The following FGFR1 variants were observed in gnomAD, a reference collection of about 807,000 sequenced individuals.
FGFR1 encodes FGFR1/PLAG1 fusion.
Under a neutral mutation model 93.7 loss-of-function variants are expected in FGFR1, and 18 were observed. The ratio of observed to expected loss-of-function variants is 0.19; its 90% confidence interval spans 0.13 to 0.28. The LOEUF (loss-of-function observed/expected upper bound fraction) is 0.28, where lower values mean the gene tolerates loss of function less well. FGFR1 is among the 10% of genes least tolerant of loss of function. The pLI is 1.00. For missense variants in FGFR1, 731 were observed against 1,080.4 expected, an observed-to-expected ratio of 0.68 and a Z score of 4.53; for synonymous variants, 448 against 429.3, an observed-to-expected ratio of 1.04 and a Z score of -0.54.
At chr8:38,419,397 T>G in intron 9 of FGFR1, 136 bp downstream of exon 9, 23 of 802,762 alleles carry the variant, frequency 2.9e-5, no homozygotes, top group Non-Finnish European at 4.3e-5. Context: ...ACTTAGTTCA[T>G]GATATTCCAC....
chr8:38,413,538 GA>G lies in FGFR1; in HGVS notation c.*89del, dbSNP rs1454000355. 1.4e-6 allele frequency: 2 copies of G among 1,421,198 alleles called. No individual in the cohort carries two copies. The highest frequency in any genetic ancestry group is 1.9e-6 in the Non-Finnish European group (2 of 1,049,004). The allele number at this position is 1,421,198 out of a possible 1,614,324, so 88.0% of individuals were successfully genotyped here. A position where few individuals can be genotyped will look rare whatever the true frequency, so the allele number is the denominator to read the frequency against. On this transcript the variant is annotated 3_prime_UTR_variant, in exon 18 of 18. Coordinates refer to ENST00000447712, the MANE Select transcript of FGFR1 (RefSeq NM_023110.3). The surrounding 1 kb of genome is among the most constrained non-coding windows in gnomAD (Gnocchi z 4.2). ...GCCGGCTCCTGCCAGCAGGAAAGGG[GA>G]CAGGGACGGACAGGTGGTGGGCCCA...
intron 2 of FGFR1, among the ~76,000 whole-genome samples, chr8:38,442,106 T>C (rs60527016): frequency 0.17 from 26,072 of 152,066 alleles, 2,796 homozygotes; most frequent in East Asian, 0.31. Context: ...TAAGGCCATA[T>C]TGGGTGGGTC....
chr8:38,465,032 GC>G (rs1290582786), intron 1 of FGFR1, among the ~76,000 whole-genome samples: 1 of 152,194 alleles, frequency 6.6e-6, no homozygotes, highest in African/African-American at 2.4e-5. Flanking sequence ...GCTTGAATCT[GC>G]CTACCCAGTG....
Position 38,457,409 on chromosome 8 carries a change from A to G in FGFR1, c.38T>C (p.Leu13Pro), listed in dbSNP as rs764533580. ...SWKCLLFWAV[L>P]VTATLCTARP... ...AGCGGTGCAGAGTGTGGCTGTGACC[A>G]GCACAGCCCAGAAGAGGAGGCACTT... Residue 13 changes from leucine (L) to proline (P), a missense_variant, in exon 2 of 18, where the codon CTG becomes CCG. Transcript: ENST00000447712. The G allele has an allele frequency of 3.1e-6, 5 of 1,613,912 alleles. No individual in the cohort carries two copies. Among genetic ancestry groups the G allele is most frequent in the Non-Finnish European group, 4.2e-6 (5 of 1,180,006 alleles).
intron 2 of FGFR1, among the ~76,000 whole-genome samples, chr8:38,448,844 T>G (rs190421112): frequency 8.6e-5 from 13 of 151,962 alleles, no homozygotes; most frequent in Admixed American, 3.9e-4. Flanking sequence ...AATCCCAGCT[T>G]CTCGGGAGGG....
At chr8:38,419,314 G>A (rs1010492364) in intron 9 of FGFR1, among the ~76,000 whole-genome samples, 2 of 152,198 alleles carry the variant, frequency 1.3e-5, no homozygotes, top group Admixed American at 6.5e-5. Flanking sequence ...CCAGGAGTCC[G>A]GAGGACTTGC....
In FGFR1 at chr8:38,468,149, C is replaced by G. The variant is rs1248932882; in HGVS notation, c.-257G>C. The G allele has an allele frequency of 8.8e-6, 2 of 227,564 alleles. No individual in the cohort carries two copies. The highest frequency in any genetic ancestry group is 6.1e-5 in the East Asian group (1 of 16,304). 14.1% of individuals were successfully genotyped at this position (227,564 alleles called of 1,614,324 possible). On this transcript the variant is annotated 5_prime_UTR_variant, in exon 1 of 18. Coordinates refer to ENST00000447712, the MANE Select transcript of FGFR1 (RefSeq NM_023110.3). ...TCGACTCCCGGCGGCGCTCGGTGCTCGGCGCCTCCAGCCCGGGCGGGAACA... is the reference window on the plus strand; with the variant it reads ...TCGACTCCCGGCGGCGCTCGGTGCTGGGCGCCTCCAGCCCGGGCGGGAACA...
chr8:38,457,634 G>C (rs2151358165), intron 1 of FGFR1, 100 bp from the exon 2 acceptor site: 1 of 1,229,516 alleles, frequency 8.1e-7, no homozygotes, highest in South Asian at 1.4e-5. Flanking sequence ...GCTGCTTAAA[G>C]TGTGGACTTA....
At chr8:38,439,918 C>T (rs1272941443) in intron 2 of FGFR1, among the ~76,000 whole-genome samples, 1 of 152,124 alleles carries the variant, frequency 6.6e-6, no homozygotes, top group Non-Finnish European at 1.5e-5. Flanking sequence ...ATTTGTATTA[C>T]CTACTCTACG....
At chr8:38,452,367 T>C (rs1271148555) in intron 2 of FGFR1, among the ~76,000 whole-genome samples, 1 of 152,106 alleles carries the variant, frequency 6.6e-6, no homozygotes. Context: ...TTTCTTCTTT[T>C]TTTTAAAGAC....
In FGFR1 at chr8:38,457,505, G is replaced by A. The variant is rs1750223459; in HGVS notation, c.-59C>T. 6.2e-7 allele frequency: 1 copy of A among 1,608,540 alleles called. No individual in the cohort carries two copies. The highest frequency in any genetic ancestry group is 1.3e-5 in the African/African-American group (1 of 74,852). ...TCCACATCTCCATGGATACTCCACAGTGAGCTCGATCCTCCTTTTCAAACT... is the reference window on the plus strand; with the variant it reads ...TCCACATCTCCATGGATACTCCACAATGAGCTCGATCCTCCTTTTCAAACT... On this transcript the variant is annotated 5_prime_UTR_variant, in exon 2 of 18. Transcript: ENST00000447712.
rs1419947824 is a variant in FGFR1, at chr8:38,429,718, C to T, written c.322G>A (p.Gly108Ser). 1.9e-6 allele frequency: 3 copies of T among 1,575,820 alleles called. No individual in the cohort carries two copies. The East Asian group carries it at 7.1e-5, about 37-fold the overall frequency. The change falls in exon 3 of 18, where the codon GGC becomes AGC. Residue 108 changes from glycine to serine, a missense_variant. Transcript: ENST00000447712. The surrounding 1 kb of genome is among the most constrained non-coding windows in gnomAD (Gnocchi z 4.4). ...LYACVTSSPS[G>S]SDTTYFSVNV... is the part of the protein sequence containing the mutation. Reference sequence around the variant, plus strand: ...ACGGAGAAGTAGGTGGTGTCACTGCCCGAGGGGCTGCTGGTTACGCAAGCA... The same window carrying T: ...ACGGAGAAGTAGGTGGTGTCACTGCTCGAGGGGCTGCTGGTTACGCAAGCA...
At position 38,414,911 on chromosome 8, in the gene FGFR1, G is replaced by T. The variant is rs2150566196; in HGVS notation, c.1855-10C>A. The T allele has an allele frequency of 6.2e-7, 1 of 1,610,290 alleles. No homozygotes were observed. ...GGTCTCGGTGTATGCACTGAGGAAG[G>T]AGGAAGGGAGAGCGGGAGGCGGGGA... On this transcript the variant is annotated splice_polypyrimidine_tract_variant and intron_variant, in intron 13 of 17. Transcript: ENST00000447712.
chr8:38,440,443 G>A, intron 2 of FGFR1: 1 of 1,317,900 alleles, frequency 7.6e-7, no homozygotes, highest in Non-Finnish European at 1.0e-6. Flanking sequence ...CCAAATAGAA[G>A]GAGAGCTGCA....
rs201805975 is a variant in FGFR1 at position 38,414,761 on chromosome 8, G to A, written c.1977+18C>T. ...TCAGATGAAACCACCAGCACAGGGC[G>A]GCCTTGTCGGCACTCACGTTGGTTG... On this transcript the variant is annotated intron_variant, in intron 14 of 17. Coordinates refer to ENST00000447712, the MANE Select transcript of FGFR1 (RefSeq NM_023110.3). 46 of 1,614,030 alleles carry A rather than the reference G, an allele frequency of 2.9e-5. No individual in the cohort carries two copies. Among genetic ancestry groups the A allele is most frequent in the African/African-American group, 5.3e-5 (4 of 75,042 alleles).
intron 2 of FGFR1, chr8:38,440,252 T>G (rs1261044822): frequency 6.6e-7 from 1 of 1,518,838 alleles, no homozygotes; most frequent in Non-Finnish European, 9.0e-7. Context: ...GGGGGCCCTC[T>G]GCAGAGGTTT....
chr8:38,417,239 G>A (rs568286947), intron 12 of FGFR1, 67 bp downstream of exon 12: 6 of 1,265,428 alleles, frequency 4.7e-6, no homozygotes, highest in Non-Finnish European at 6.9e-6. Flanking sequence ...GAGAGGCCTT[G>A]GGACTGATAC....
intron 12 of FGFR1, among the ~76,000 whole-genome samples, chr8:38,416,925 G>T (rs375460344): frequency 4.0e-5 from 6 of 151,096 alleles, no homozygotes; most frequent in East Asian, 2.0e-4. Context: ...GCTAACTTTT[G>T]TATTTTTTAG....
chr8:38,454,370 C>T (rs538629426), intron 2 of FGFR1, among the ~76,000 whole-genome samples: 2 of 152,310 alleles, frequency 1.3e-5, no homozygotes, highest in East Asian at 3.9e-4. Flanking sequence ...TCAACTAGCT[C>T]CTTGCTACTC....
Sources: allele counts gnomAD v4.1 joint callset (sites outside exome capture counted in the v4.1 genomes callset), GRCh38; gene constraint gnomAD v4.1.1; non-coding constraint Gnocchi (gnomAD v3.1); transcripts MANE v1.5; gene names NCBI Gene and HGNC (gene_info 2026-07-23, HGNC 2026-07-21).